Variants in GALNT13 observed in about 807,000 individuals in gnomAD.
GALNT13 encodes the protein UDP-GalNAc:polypeptide N-acetylgalactosaminyltransferase 13.
GALNT13 carries 28 observed loss-of-function variants against 64.2 expected under a neutral mutation model. That is an observed-to-expected ratio of 0.44 (90% CI 0.32 to 0.60). The LOEUF (loss-of-function observed/expected upper bound fraction) is 0.60. GALNT13 is among the 20% of genes least tolerant of loss of function. The probability of loss-of-function intolerance (pLI) is 0.05; values close to 1 mark genes in which losing one functional copy is unlikely to be tolerated. For synonymous variants in GALNT13, 214 were observed against 224.6 expected, an observed-to-expected ratio of 0.95 and a Z score of 0.42; for missense variants, 577 against 669.8, an observed-to-expected ratio of 0.86 and a Z score of 1.53.
the GALNT13 span, among the ~76,000 whole-genome samples, chr2:153,743,478 T>G: frequency 6.6e-6 from 1 of 151,816 alleles, no homozygotes; most frequent in Non-Finnish European, 1.5e-5. Flanking sequence ...TAATTTTTTT[T>G]GAACCTACTT....
At chr2:153,788,118 A>G in the GALNT13 span, among the ~76,000 whole-genome samples, 2 of 152,180 alleles carry the variant, frequency 1.3e-5, no homozygotes, top group East Asian at 1.9e-4. Flanking sequence ...TCAAAAATAG[A>G]TCATCCTCAA....
At chr2:154,340,801 A>G (rs1273811031) in intron 9 of GALNT13, among the ~76,000 whole-genome samples, 1 of 152,162 alleles carries the variant, frequency 6.6e-6, no homozygotes, top group Non-Finnish European at 1.5e-5. Context: ...TGAACAACTA[A>G]TAGTTTACCA....
intron 3 of GALNT13, among the ~76,000 whole-genome samples, chr2:154,053,431 A>G (rs1292849455): frequency 6.6e-6 from 1 of 151,326 alleles, no homozygotes; most frequent in Non-Finnish European, 1.5e-5. Flanking sequence ...TTTAAAAATC[A>G]TAAATTTATT....
chr2:154,339,359 A>G (rs1211399763), intron 9 of GALNT13, among the ~76,000 whole-genome samples: 1 of 152,086 alleles, frequency 6.6e-6, no homozygotes, highest in Non-Finnish European at 1.5e-5. Context: ...ATTTGGAGGA[A>G]CTTTGGATAA....
At chr2:153,308,417 A>G in the GALNT13 span, among the ~76,000 whole-genome samples, 2 of 152,166 alleles carry the variant, frequency 1.3e-5, no homozygotes, top group Admixed American at 1.3e-4. Context: ...CACTTATTTA[A>G]CAAATGACAC....
At chr2:154,242,966 A>G in intron 6 of GALNT13, 61 bp downstream of exon 6, 2 of 1,305,508 alleles carry the variant, frequency 1.5e-6, no homozygotes, top group South Asian at 1.3e-5. Flanking sequence ...ACAGTTCCAG[A>G]TGTCCATCAG....
At chr2:153,721,909 G>A in the GALNT13 span, among the ~76,000 whole-genome samples, 2 of 150,302 alleles carry the variant, frequency 1.3e-5, no homozygotes, top group Admixed American at 6.6e-5. Context: ...GAGACAGAAA[G>A]TCAACAAGGA....
intron 3 of GALNT13, among the ~76,000 whole-genome samples, chr2:154,011,827 G>T (rs1696657550): frequency 6.6e-6 from 1 of 152,018 alleles, no homozygotes; most frequent in Non-Finnish European, 1.5e-5. Flanking sequence ...TAATGTGCTT[G>T]TCTTTTTGAT....
chr2:153,198,552 T>C, the GALNT13 span, among the ~76,000 whole-genome samples: 1 of 152,316 alleles, frequency 6.6e-6, no homozygotes, highest in African/African-American at 2.4e-5. Context: ...CTATTGACTA[T>C]TTTGGTTCTT....
At chr2:153,438,655 G>T in the GALNT13 span, among the ~76,000 whole-genome samples, 1 of 152,108 alleles carries the variant, frequency 6.6e-6, no homozygotes, top group Non-Finnish European at 1.5e-5. Flanking sequence ...CGTAGTTCTC[G>T]TGCCATGGTT....
chr2:153,584,582 G>C, the GALNT13 span, among the ~76,000 whole-genome samples: 1 of 152,150 alleles, frequency 6.6e-6, no homozygotes, highest in South Asian at 2.1e-4. Flanking sequence ...ATGCCCAAAA[G>C]CCAACTCACT....
At chr2:154,328,025 A>G (rs1694968921) in intron 9 of GALNT13, among the ~76,000 whole-genome samples, 2 of 152,134 alleles carry the variant, frequency 1.3e-5, no homozygotes, top group Non-Finnish European at 2.9e-5. Flanking sequence ...CATAGTATAT[A>G]GCACTTCTGT....
chr2:153,397,063 G>A, the GALNT13 span, among the ~76,000 whole-genome samples: 1 of 152,032 alleles, frequency 6.6e-6, no homozygotes, highest in Non-Finnish European at 1.5e-5. Context: ...TCTAAAATAC[G>A]TTTAGAAAGC....
At chr2:154,162,027 C>T (rs1010306192) in intron 4 of GALNT13, among the ~76,000 whole-genome samples, 3 of 152,260 alleles carry the variant, frequency 2.0e-5, no homozygotes, top group East Asian at 3.9e-4. Context: ...GTGATCCGCC[C>T]GTCTCGGCCT....
At chr2:153,883,726 AG>A (rs1273284864) in intron 1 of GALNT13, among the ~76,000 whole-genome samples, 22 of 152,038 alleles carry the variant, frequency 1.4e-4, no homozygotes, top group Admixed American at 1.4e-3. Context: ...ATGTTTAAGG[AG>A]TATTTAAAAA....
the GALNT13 span, among the ~76,000 whole-genome samples, chr2:153,512,158 G>A: frequency 8.5e-5 from 13 of 152,250 alleles, no homozygotes; most frequent in Admixed American, 2.0e-4. Context: ...AACCCATGGC[G>A]GGGGAAGCAC....
At chr2:153,760,463 T>A in the GALNT13 span, among the ~76,000 whole-genome samples, 2 of 152,076 alleles carry the variant, frequency 1.3e-5, no homozygotes, top group African/African-American at 2.4e-5. Context: ...CTTAAGTTTT[T>A]AAAAATGTCC....
chr2:154,105,677 CA>C (rs1487324563), intron 3 of GALNT13, among the ~76,000 whole-genome samples: 2 of 152,082 alleles, frequency 1.3e-5, no homozygotes, highest in Non-Finnish European at 2.9e-5. Flanking sequence ...GACAAAAATA[CA>C]AGTTTGTTTG....
intron 1 of GALNT13, among the ~76,000 whole-genome samples, chr2:153,893,176 G>T (rs1041830992): frequency 6.6e-6 from 1 of 152,056 alleles, no homozygotes; most frequent in Admixed American, 6.6e-5. Context: ...AGAAAGGAGA[G>T]ATTAGACACT....
Sources: allele counts gnomAD v4.1 joint callset (sites outside exome capture counted in the v4.1 genomes callset), GRCh38; gene constraint gnomAD v4.1.1; transcripts MANE v1.5; gene names NCBI Gene and HGNC (gene_info 2026-07-23, HGNC 2026-07-21).